SYNRG: variants seen among roughly 807,000 people sequenced by gnomAD.
SYNRG encodes the protein AP1 gamma subunit binding protein 1.
A neutral mutation model predicts 130.9 loss-of-function variants in SYNRG; 37 were observed. The observed-to-expected ratio is 0.28, with a 90% CI of 0.22 to 0.37. The LOEUF (loss-of-function observed/expected upper bound fraction) is 0.37, where lower values mean the gene tolerates loss of function less well. Ranked by LOEUF, SYNRG falls within the 10% of genes least tolerant of loss-of-function variation. The probability of loss-of-function intolerance (pLI) is 1.00; values close to 1 mark genes in which losing one functional copy is unlikely to be tolerated. For synonymous variants in SYNRG, 539 were observed against 568.1 expected (o/e 0.95, Z 0.73); for missense variants, 1,338 against 1,588.9 (o/e 0.84, Z 2.68).
Position 37,557,068 on chromosome 17 carries a change from G to A in SYNRG, c.1664-3009C>T, listed in dbSNP as rs147185086. 5.4e-3 allele frequency: 824 copies of A among 152,250 alleles called. 5 individuals are homozygous for A. The highest frequency in any genetic ancestry group is 0.019 in the African/African-American group (785 of 41,554). The allele number at this position is 152,250 out of a possible 1,614,324, so 9.4% of individuals were successfully genotyped here. ...GGCAAATAAATTAGTCACAGTCAAT[G>A]GAAGCTTGTCTATCAGAAGGCATAT... On this transcript the variant is annotated intron_variant, in intron 13 of 21. Coordinates refer to ENST00000612223, the MANE Select transcript of SYNRG (RefSeq NM_007247.6).
intron 6 of SYNRG, among the ~76,000 whole-genome samples, chr17:37,583,103 G>C (rs957066304): frequency 6.6e-6 from 1 of 151,100 alleles, no homozygotes; most frequent in Non-Finnish European, 1.5e-5. Context: ...CTATTCTCTT[G>C]CCTCAGCCTA....
chr17:37,570,143 CTTTTTT>C (rs11320959), intron 10 of SYNRG, among the ~76,000 whole-genome samples: 5 of 113,834 alleles, frequency 4.4e-5, no homozygotes, highest in African/African-American at 1.3e-4. Flanking sequence ...CATGCTGAGG[CTTTTTT>C]TTTTTTTTTT....
rs1001979664 is a variant in SYNRG, at chr17:37,516,695, GCT to G, written c.*2243_*2244del. The G allele has an allele frequency of 2.1e-5, 3 of 146,088 alleles. No homozygotes were observed. The highest frequency in any genetic ancestry group is 7.7e-5 in the African/African-American group (3 of 39,164). The allele number at this position is 146,088 out of a possible 1,614,324, so 9.0% of individuals were successfully genotyped here. On this transcript the variant is annotated 3_prime_UTR_variant, in exon 22 of 22. Coordinates refer to ENST00000612223, the MANE Select transcript of SYNRG (RefSeq NM_007247.6). ...TTTTTTTTTTAAGAGACAGTGTCTCGCTCTGTCATCACCTACGCTGTCACGTG... is the reference window on the plus strand; with the variant it reads ...TTTTTTTTTTAAGAGACAGTGTCTCGCTGTCATCACCTACGCTGTCACGTG...
intron 15 of SYNRG, chr17:37,541,295 A>C (rs1015487049): frequency 9.2e-5 from 90 of 979,208 alleles, no homozygotes; most frequent in Middle Eastern, 5.2e-4. Flanking sequence ...GGCAAACTCA[A>C]ATGCCTTCAG....
intron 15 of SYNRG, chr17:37,540,776 A>C: frequency 1.4e-6 from 1 of 710,500 alleles, no homozygotes; most frequent in South Asian, 3.7e-5. Context: ...CTGGGACTAC[A>C]GGTGCACACC....
intron 1 of SYNRG, 89 bp from the exon 2 acceptor site, chr17:37,600,492 G>C: frequency 7.9e-7 from 1 of 1,271,470 alleles, no homozygotes; most frequent in South Asian, 1.3e-5. Flanking sequence ...TAAAAGACTT[G>C]TAGATGGGAC....
At chr17:37,606,444 G>A (rs17660636) in intron 1 of SYNRG, among the ~76,000 whole-genome samples, 114,392 of 152,174 alleles carry the variant, frequency 0.75, 44,221 homozygotes, top group African/African-American at 0.93. Context: ...CAAGTTCACA[G>A]ATGATAACAT....
chr17:37,527,884 G>A (rs1471502156), intron 19 of SYNRG, among the ~76,000 whole-genome samples: 5 of 152,170 alleles, frequency 3.3e-5, no homozygotes, highest in African/African-American at 9.7e-5. Flanking sequence ...ACAATTTGGA[G>A]TTTAAGACGG....
chr17:37,530,025 T>C (rs557778596), intron 19 of SYNRG, among the ~76,000 whole-genome samples: 62 of 152,292 alleles, frequency 4.1e-4, no homozygotes, highest in Middle Eastern at 3.4e-3. Context: ...ACAAGAGCAA[T>C]GTGCAGAAAA....
rs1374732686 is a variant in SYNRG at position 37,561,581 on chromosome 17, G to C, written c.1490C>G (p.Ser497Cys). 1 of 1,610,978 alleles carries C rather than the reference G, an allele frequency of 6.2e-7. No individual in the cohort carries two copies. Among genetic ancestry groups the C allele is most frequent in the Non-Finnish European group, 8.5e-7 (1 of 1,177,434 alleles). Residue 497 changes from serine to cysteine, a missense_variant, in exon 12 of 22, where the codon TCT (serine) becomes TGT (cysteine). Physicochemically the swap from Ser to Cys is moderately radical, Grantham distance 112 (BLOSUM62 -1). This residue lies in a region of SYNRG where 1,146 missense variants were observed against 1,342.3 expected (regional missense o/e 0.85). Transcript: ENST00000612223. Reference sequence around the variant, plus strand: ...AGTTCCAGGAAGTGGCATCAACAAAGAAGGGGCACTGAAGGAAAAAATAAA... The same window carrying C: ...AGTTCCAGGAAGTGGCATCAACAAACAAGGGGCACTGAAGGAAAAAATAAA... ...SNSQHGNSAP[S>C]LLMPLPGTKA...
chr17:37,527,485 A>T (rs2056079781), intron 19 of SYNRG, among the ~76,000 whole-genome samples: 1 of 152,218 alleles, frequency 6.6e-6, no homozygotes, highest in Non-Finnish European at 1.5e-5. Flanking sequence ...AGTATCAAAG[A>T]GAAAGAGAGC....
intron 14 of SYNRG, among the ~76,000 whole-genome samples, chr17:37,546,639 A>G (rs1018391383): frequency 7.2e-5 from 11 of 152,232 alleles, no homozygotes; most frequent in Non-Finnish European, 1.0e-4. Context: ...CTGCTACTAC[A>G]GGACACAGAC....
At chr17:37,586,036 G>A (rs1427939366) in intron 4 of SYNRG, among the ~76,000 whole-genome samples, 1 of 152,092 alleles carries the variant, frequency 6.6e-6, no homozygotes, top group African/African-American at 2.4e-5. Context: ...CTCTGTTACC[G>A]AAGCTGGAGT....
At chr17:37,586,350 C>T in intron 4 of SYNRG, 69 bp downstream of exon 4, 2 of 1,589,632 alleles carry the variant, frequency 1.3e-6, no homozygotes, top group Non-Finnish European at 1.7e-6. Context: ...CACTAGAGAT[C>T]ATTAGACAAT....
chr17:37,601,245 T>C (rs550659724), intron 1 of SYNRG, among the ~76,000 whole-genome samples: 1 of 152,080 alleles, frequency 6.6e-6, no homozygotes, highest in East Asian at 1.9e-4. Context: ...TTTTTTGTAT[T>C]TTTAGTAGAG....
chr17:37,553,806 T>C lies in SYNRG; in HGVS notation c.1917A>G (p.Thr639=), dbSNP rs773851008. 57 of 1,612,812 alleles carry C rather than the reference T, an allele frequency of 3.5e-5. No homozygotes were observed. The highest frequency in any genetic ancestry group is 2.7e-4 in the Admixed American group (16 of 59,496). ...ACTGTGGTGTAGAAACTGATTTTGATGTGCTAAACACAGCTGAAAAAGACA... is the reference window on the plus strand; with the variant it reads ...ACTGTGGTGTAGAAACTGATTTTGACGTGCTAAACACAGCTGAAAAAGACA... The part of the protein sequence containing the change: ...KPLSFSAVFS[T]SKSVSTPQST... Residue 639 remains threonine, a synonymous_variant, in exon 14 of 22, where the codon ACA becomes ACG. Transcript: ENST00000612223.
chr17:37,575,903 A>T (rs2060799828), intron 8 of SYNRG, among the ~76,000 whole-genome samples: 1 of 151,864 alleles, frequency 6.6e-6, no homozygotes, highest in South Asian at 2.1e-4. Flanking sequence ...GAAAAAAAAG[A>T]TCCCACATGG....
At chr17:37,580,705 T>A (rs1203575232) in intron 6 of SYNRG, among the ~76,000 whole-genome samples, 1 of 152,144 alleles carries the variant, frequency 6.6e-6, no homozygotes, top group Non-Finnish European at 1.5e-5. Context: ...CAGCTAACTT[T>A]TGTATTTTTA....
At chr17:37,541,258 C>T (rs2057731387) in intron 15 of SYNRG, 9 of 985,336 alleles carry the variant, frequency 9.1e-6, no homozygotes, top group Admixed American at 6.1e-5. Context: ...ACGACCCCTC[C>T]TGTCAGGATG....
Sources: gnomAD v4.1 joint callset for allele counts (sites outside exome capture counted in the v4.1 genomes callset) on GRCh38, gnomAD v4.1.1 for gene constraint, gnomAD v4.1.1 regional missense constraint, MANE v1.5 for transcripts, NCBI Gene and HGNC (gene_info 2026-07-23, HGNC 2026-07-21) for gene names.